Variants in RARS2 observed in about 807,000 individuals in gnomAD.
RARS2 encodes arginyl-tRNA synthetase 2, mitochondrial.
Under a neutral mutation model 88.5 loss-of-function variants are expected in RARS2, and 67 were observed. The ratio of observed to expected loss-of-function variants is 0.76; its 90% confidence interval spans 0.62 to 0.93. The LOEUF (loss-of-function observed/expected upper bound fraction) is 0.93. Among genes scored for constraint, RARS2 ranks in the 40% least tolerant of loss-of-function variants. The probability of loss-of-function intolerance (pLI) is 0.00; values close to 1 mark genes in which losing one functional copy is unlikely to be tolerated. For missense variants in RARS2, 664 were observed against 684.2 expected, an observed-to-expected ratio of 0.97 and a Z score of 0.33; for synonymous variants, 239 against 230.3, an observed-to-expected ratio of 1.04 and a Z score of -0.34.
chr6:87,555,534 A>T (rs1442979054), intron 4 of RARS2, 29 bp from the exon 5 acceptor site: 1 of 1,496,700 alleles, frequency 6.7e-7, no homozygotes, highest in African/African-American at 1.4e-5. Context: ...TAATTTAATG[A>T]ACAAAAATTA....
chr6:87,559,861 G>C (rs2128160994), intron 4 of RARS2, among the ~76,000 whole-genome samples: 1 of 152,186 alleles, frequency 6.6e-6, no homozygotes, highest in African/African-American at 2.4e-5. Context: ...GTAAATACAG[G>C]TATAGCATCT....
At chr6:87,572,397 G>GA in intron 1 of RARS2, among the ~76,000 whole-genome samples, 1 of 152,040 alleles carries the variant, frequency 6.6e-6, no homozygotes, top group Admixed American at 6.5e-5. Flanking sequence ...CAATTCGGCT[G>GA]AAAAAAACTC....
chr6:87,541,361 G>C (rs900408731), intron 8 of RARS2, among the ~76,000 whole-genome samples: 20 of 152,068 alleles, frequency 1.3e-4, no homozygotes, highest in African/African-American at 4.6e-4. Context: ...TTACTTTATA[G>C]AGGCCAGGTC....
intron 5 of RARS2, among the ~76,000 whole-genome samples, chr6:87,553,446 G>C (rs1290038888): frequency 1.3e-5 from 2 of 152,098 alleles, no homozygotes; most frequent in Non-Finnish European, 2.9e-5. Context: ...AAGAGCCAGA[G>C]AGTAAATATT....
At position 87,524,540 on chromosome 6, in the gene RARS2, T is replaced by C. The variant is rs771081471; in HGVS notation, c.974+17A>G. The C allele has an allele frequency of 6.4e-7, 1 of 1,572,436 alleles. No individual in the cohort carries two copies. Among genetic ancestry groups the C allele is most frequent in the South Asian group, 1.1e-5 (1 of 90,168 alleles). On this transcript the variant is annotated intron_variant, in intron 11 of 19. Coordinates refer to ENST00000369536, the MANE Select transcript of RARS2 (RefSeq NM_020320.5). ...CAGATTTAGAACCAAATGTTGACCCTCACAGAGGCTACAAACCTGGTTGCA... is the reference window on the plus strand; with the variant it reads ...CAGATTTAGAACCAAATGTTGACCCCCACAGAGGCTACAAACCTGGTTGCA...
At chr6:87,562,268 C>T (rs112315414) in intron 4 of RARS2, among the ~76,000 whole-genome samples, 1,534 of 152,246 alleles carry the variant, frequency 0.01, 23 homozygotes, top group African/African-American at 0.033. Context: ...AGGCTGTATG[C>T]TACAGCCTAT....
rs545160877 is a variant in RARS2 at position 87,548,232 on chromosome 6, C to A, written c.451+359G>T. 8.5e-5 allele frequency among the ~76,000 whole-genome samples: 13 copies of A among 152,172 alleles called. No homozygotes were observed. The East Asian group carries it at 1.2e-3, about 14-fold the overall frequency. ...CACTCCAGCCTAAGTGACAAAAAAA[C>A]CACAAAATAAATGAACAAAAAAATC... On this transcript the variant is annotated intron_variant, in intron 6 of 19. Transcript: ENST00000369536.
rs777942571 is a variant in RARS2 at position 87,569,584 on chromosome 6, TG to T, written c.42del (p.Arg15GlufsTer3). On this transcript the variant is annotated frameshift_variant, in exon 2 of 20. Coordinates refer to ENST00000369536, the MANE Select transcript of RARS2 (RefSeq NM_020320.5). LOFTEE classifies it high-confidence loss of function. Reference sequence around the variant, plus strand: ...TTTTCTGGTGGAAGATTCAACACTCTGGAAAGCTAAAAATCAAAAAGAACAA... The same window carrying T: ...TTTTCTGGTGGAAGATTCAACACTCTGAAAGCTAAAAATCAAAAAGAACAA... ...GFRRAIACQL[S>X]RVLNLPPENL... The T allele has an allele frequency of 2.7e-5, 43 of 1,605,294 alleles. No individual in the cohort carries two copies. The highest frequency in any genetic ancestry group is 3.5e-5 in the Non-Finnish European group (41 of 1,172,328).
At position 87,519,543 on chromosome 6, in the gene RARS2, C is replaced by T. The variant is rs201659836; in HGVS notation, c.1237+40G>A. On this transcript the variant is annotated intron_variant, in intron 14 of 19. Transcript: ENST00000369536. ...AAAGTCCAGAATAACATAAAAGTGG[C>T]ACGTAAGTTATGACTTTAATAAGAA... The T allele has an allele frequency of 5.1e-6, 8 of 1,579,848 alleles. No homozygotes were observed. The East Asian group carries it at 1.6e-4, about 31-fold the overall frequency.
intron 1 of RARS2, among the ~76,000 whole-genome samples, chr6:87,570,040 C>A (rs964299352): frequency 6.6e-6 from 1 of 151,634 alleles, no homozygotes; most frequent in Non-Finnish European, 1.5e-5. Flanking sequence ...GTGAACAAAA[C>A]AGACAAAAAA....
At position 87,538,804 on chromosome 6, in the gene RARS2, CAGG is replaced by C. The variant is rs1779985161; in HGVS notation, c.612+3111_612+3113del. 2.6e-5 allele frequency among the ~76,000 whole-genome samples: 4 copies of C among 152,138 alleles called. No homozygotes were observed. In the South Asian group the frequency reaches 6.2e-4, roughly 24 times the overall value. The stretch of plus-strand genomic sequence containing the variant: ...ATCCCAGCACTTTGGGAGTTTGAGG[CAGG>C]AGGACTGTTTGAGCCCAAGAGTTTG... On this transcript the variant is annotated intron_variant, in intron 8 of 19. Coordinates refer to ENST00000369536, the MANE Select transcript of RARS2 (RefSeq NM_020320.5).
rs540689701 is a variant in RARS2, at chr6:87,567,866, G to A, written c.110+1651C>T. Among the ~76,000 whole-genome samples the A allele has an allele frequency of 1.4e-4, 21 of 152,224 alleles. No homozygotes were observed. In the South Asian group the frequency reaches 3.5e-3, roughly 26 times the overall value. ...GGCTCACTCTAACCTCCGCCTCCCCGGTTCAAGCGGTTCTCCTGCCTCAGC... is the reference window on the plus strand; with the variant it reads ...GGCTCACTCTAACCTCCGCCTCCCCAGTTCAAGCGGTTCTCCTGCCTCAGC... On this transcript the variant is annotated intron_variant, in intron 2 of 19. Coordinates refer to ENST00000369536, the MANE Select transcript of RARS2 (RefSeq NM_020320.5).
intron 1 of RARS2, among the ~76,000 whole-genome samples, chr6:87,574,277 A>G (rs1770711529): frequency 6.6e-6 from 1 of 152,242 alleles, no homozygotes; most frequent in African/African-American, 2.4e-5. Context: ...ACAGAAAAAT[A>G]TCAGGGCTAG....
At chr6:87,581,971 A>G (rs1008817610) in intron 1 of RARS2, among the ~76,000 whole-genome samples, 7 of 152,126 alleles carry the variant, frequency 4.6e-5, no homozygotes, top group African/African-American at 1.4e-4. Context: ...CATGGTGTAT[A>G]TGTACCAACC....
intron 12 of RARS2, 55 bp downstream of exon 12, chr6:87,521,409 A>T: frequency 7.4e-7 from 1 of 1,348,732 alleles, no homozygotes; most frequent in Non-Finnish European, 1.1e-6. Flanking sequence ...TCCAATTTCT[A>T]CCTCTGTAGT....
intron 1 of RARS2, among the ~76,000 whole-genome samples, chr6:87,575,630 A>G (rs1771249525): frequency 6.6e-6 from 1 of 152,076 alleles, no homozygotes; most frequent in South Asian, 2.1e-4. Context: ...GTAAACCTGT[A>G]TTTACAACTG....
chr6:87,536,759 T>TA (rs1011806034), intron 8 of RARS2, among the ~76,000 whole-genome samples: 10 of 151,870 alleles, frequency 6.6e-5, no homozygotes, highest in South Asian at 2.1e-4. Flanking sequence ...GAATTCTAAA[T>TA]AAAAAAAATA....
intron 8 of RARS2, among the ~76,000 whole-genome samples, chr6:87,540,673 G>A (rs1210504837): frequency 4.6e-5 from 7 of 152,044 alleles, no homozygotes; most frequent in Non-Finnish European, 7.3e-5. Flanking sequence ...TCGTATCCGC[G>A]TTTCCACTGT....
chr6:87,532,840 T>TC (rs1465722143), intron 8 of RARS2, among the ~76,000 whole-genome samples: 2 of 152,092 alleles, frequency 1.3e-5, no homozygotes, highest in Non-Finnish European at 2.9e-5. Flanking sequence ...ACATACAATG[T>TC]CAGTTAGAAA....
Sources: allele counts gnomAD v4.1 joint callset (sites outside exome capture counted in the v4.1 genomes callset), GRCh38; gene constraint gnomAD v4.1.1; transcripts MANE v1.5; gene names NCBI Gene and HGNC (gene_info 2026-07-23, HGNC 2026-07-21).